NSG1: variants seen among roughly 807,000 people sequenced by gnomAD.
NSG1 encodes the protein neuronal vesicle trafficking associated 1, also known as neuronal vesicle trafficking-associated protein 1.
A neutral mutation model predicts 19.3 loss-of-function variants in NSG1; 9 were observed. The observed-to-expected ratio is 0.47, with a 90% CI of 0.28 to 0.81. The LOEUF is 0.81. Among genes scored for constraint, NSG1 ranks in the 40% least tolerant of loss-of-function variants. The pLI, the probability that NSG1 is intolerant of heterozygous loss-of-function variation, is 0.11. For missense variants in NSG1, 236 were observed against 242.4 expected (o/e 0.97, Z 0.18); for synonymous variants, 104 against 107.0 (o/e 0.97, Z 0.17).
intron 1 of NSG1, 60 bp from the exon 2 acceptor site, chr4:4,387,544 T>TCCCCCCC: frequency 5.8e-6 from 3 of 520,918 alleles, no homozygotes; most frequent in South Asian, 1.9e-5. Context: ...GGTGCCCACT[T>TCCCCCCC]CCCCCCCGCC....
At chr4:4,410,960 C>T (rs556839743) in intron 4 of NSG1, among the ~76,000 whole-genome samples, 35 of 152,282 alleles carry the variant, frequency 2.3e-4, no homozygotes, top group South Asian at 4.1e-4. Context: ...CGGGTTCAAG[C>T]GATTCTTCTG....
rs1724049024 is a variant in NSG1, at chr4:4,409,479, C to T, written c.247-94C>T. 4 of 910,470 alleles carry T rather than the reference C, an allele frequency of 4.4e-6. No homozygotes were observed. In the East Asian group the frequency reaches 9.7e-5, roughly 22 times the overall value. 56.4% of individuals were successfully genotyped at this position (910,470 alleles called of 1,614,324 possible). The stretch of plus-strand genomic sequence containing the variant: ...GGTTCTTCCAGAGATAGTCTCTGCA[C>T]ATGCTGTGTGGGGGGGGGCCTTCGT... On this transcript the variant is annotated intron_variant, in intron 3 of 4. Transcript: ENST00000621129.
intron 4 of NSG1, among the ~76,000 whole-genome samples, chr4:4,416,395 G>C (rs1157756970): frequency 6.6e-6 from 1 of 152,200 alleles, no homozygotes; most frequent in African/African-American, 2.4e-5. Flanking sequence ...TTAGACTTCA[G>C]GGTTCAATGA....
At chr4:4,406,129 G>A (rs1325593464) in intron 3 of NSG1, among the ~76,000 whole-genome samples, 1 of 152,184 alleles carries the variant, frequency 6.6e-6, no homozygotes, top group Non-Finnish European at 1.5e-5. Context: ...CTGGGTTCAA[G>A]CGATTCTCCT....
Position 4,404,619 on chromosome 4 carries a change from T to C in NSG1, c.247-4954T>C, listed in dbSNP as rs188965432. On this transcript the variant is annotated intron_variant, in intron 3 of 4. Coordinates refer to ENST00000621129, the MANE Select transcript of NSG1 (RefSeq NM_014392.5). Reference sequence around the variant, plus strand: ...GATGCTTCCGATCATGGCATGTTGTTGTAGAGGAAGCTTAAAAGATACTGC... The same window carrying C: ...GATGCTTCCGATCATGGCATGTTGTCGTAGAGGAAGCTTAAAAGATACTGC... 2.1e-3 allele frequency among the ~76,000 whole-genome samples: 321 copies of C among 152,294 alleles called. 1 individual carries two copies. Among genetic ancestry groups the C allele is most frequent in the African/African-American group, 7.3e-3 (302 of 41,570 alleles).
chr4:4,402,391 T>A (rs1378630542), intron 3 of NSG1, among the ~76,000 whole-genome samples: 62 of 104,388 alleles, frequency 5.9e-4, no homozygotes, highest in African/African-American at 2.9e-3. Context: ...TTTTTTTTTT[T>A]TTTTTTTTTT....
intron 3 of NSG1, among the ~76,000 whole-genome samples, chr4:4,399,228 G>C (rs779911211): frequency 2.0e-5 from 3 of 152,016 alleles, no homozygotes; most frequent in Non-Finnish European, 4.4e-5. Flanking sequence ...CTGCAGCCTC[G>C]ACCTCCTGGG....
intron 4 of NSG1, among the ~76,000 whole-genome samples, chr4:4,413,682 G>A (rs1197800897): frequency 6.6e-6 from 1 of 151,764 alleles, no homozygotes; most frequent in Non-Finnish European, 1.5e-5. Context: ...GGCCAGAGCG[G>A]GTGCATCCTG....
intron 4 of NSG1, among the ~76,000 whole-genome samples, 183 bp downstream of exon 4, chr4:4,409,866 AG>A (rs941832568): frequency 1.3e-5 from 2 of 152,320 alleles, no homozygotes; most frequent in East Asian, 1.9e-4. Context: ...GCAGGTAGGC[AG>A]GGGGCACATG....
intron 3 of NSG1, among the ~76,000 whole-genome samples, chr4:4,397,116 G>T (rs1434749933): frequency 1.3e-5 from 2 of 151,136 alleles, no homozygotes; most frequent in Non-Finnish European, 2.9e-5. Context: ...AACGCTTGAA[G>T]ATGTCGGGAT....
At chr4:4,411,431 AG>A (rs1368189636) in intron 4 of NSG1, among the ~76,000 whole-genome samples, 8 of 152,196 alleles carry the variant, frequency 5.3e-5, no homozygotes, top group African/African-American at 1.9e-4. Flanking sequence ...TGACAGGCAC[AG>A]GGCTGTCATC....
chr4:4,387,674 G>A lies in NSG1; in HGVS notation c.45G>A (p.Gln15=), dbSNP rs1722799838. ...GNNFAEKGTK[Q]PLLEDGFDTI... is the part of the protein sequence containing the mutation. ...ATTTCGCAGAGAAGGGCACCAAGCA[G>A]CCGCTGCTGGAGGATGGCTTCGACA... Residue 15 remains glutamine, a synonymous_variant, in exon 2 of 5, where the codon CAG becomes CAA. Transcript: ENST00000621129. 6.2e-7 allele frequency: 1 copy of A among 1,613,838 alleles called. No homozygotes were observed. The highest frequency in any genetic ancestry group is 1.7e-5 in the Admixed American group (1 of 60,028).
intron 3 of NSG1, among the ~76,000 whole-genome samples, chr4:4,395,229 G>A (rs1723192326): frequency 1.3e-5 from 2 of 152,230 alleles, no homozygotes; most frequent in Admixed American, 6.5e-5. Context: ...TGTTTCTGGA[G>A]CCACCTGAGT....
rs762919520 is a variant in NSG1 at position 4,387,772 on chromosome 4, C to A, written c.129+14C>A. The A allele has an allele frequency of 1.9e-6, 3 of 1,585,742 alleles. No homozygotes were observed. The highest frequency in any genetic ancestry group is 1.7e-6 in the Non-Finnish European group (2 of 1,155,976). ...CCCCCGGATAAGGTAAGCCCCCCCA[C>A]GCCCCTCCACGTTGCCGGGTGTGCA... On this transcript the variant is annotated intron_variant, in intron 2 of 4. Transcript: ENST00000621129.
chr4:4,407,766 G>A lies in NSG1; in HGVS notation c.247-1807G>A, dbSNP rs545414109. On this transcript the variant is annotated intron_variant, in intron 3 of 4. Coordinates refer to ENST00000621129, the MANE Select transcript of NSG1 (RefSeq NM_014392.5). ...GAGACGGGGACGTGGTGGAGGTGTC[G>A]TCCCATGTCATAGGGAAGGAGTCTG... 5.9e-5 allele frequency among the ~76,000 whole-genome samples: 9 copies of A among 152,242 alleles called. No homozygotes were observed. In the South Asian group the frequency reaches 1.2e-3, roughly 21 times the overall value.
intron 3 of NSG1, among the ~76,000 whole-genome samples, chr4:4,392,950 C>T (rs890974504): frequency 3.9e-5 from 6 of 152,094 alleles, no homozygotes; most frequent in Non-Finnish European, 8.8e-5. Context: ...GGTTCTTGGC[C>T]AGGACCAAGA....
chr4:4,398,169 G>T (rs1355797483), intron 3 of NSG1, among the ~76,000 whole-genome samples: 4 of 151,936 alleles, frequency 2.6e-5, no homozygotes, highest in Non-Finnish European at 5.9e-5. Context: ...TGGCCAGGCT[G>T]GTCTTGAATT....
At chr4:4,395,070 C>T (rs889419598) in intron 3 of NSG1, among the ~76,000 whole-genome samples, 9 of 152,210 alleles carry the variant, frequency 5.9e-5, no homozygotes, top group Admixed American at 2.0e-4. Flanking sequence ...GCTGGACTTT[C>T]GCAGCTGAAC....
At chr4:4,400,065 G>T (rs1723468026) in intron 3 of NSG1, among the ~76,000 whole-genome samples, 1 of 152,208 alleles carries the variant, frequency 6.6e-6, no homozygotes, top group African/African-American at 2.4e-5. Flanking sequence ...ATCACATGAA[G>T]ATTTTTCCCT....
Sources: gnomAD v4.1 joint callset for allele counts (sites outside exome capture counted in the v4.1 genomes callset) on GRCh38, gnomAD v4.1.1 for gene constraint, MANE v1.5 for transcripts, NCBI Gene and HGNC (gene_info 2026-07-23, HGNC 2026-07-21) for gene names.